The following MAGI2 variants were observed in gnomAD, a reference collection of about 807,000 sequenced individuals.
The protein encoded by MAGI2 is membrane-associated guanylate kinase, WW and PDZ domain-containing protein 2.
In MAGI2, 35 loss-of-function variants were observed where a neutral mutation model predicts 133.3. The observed-to-expected ratio is 0.26, with a 90% CI of 0.20 to 0.35. The LOEUF is 0.35. Ranked by LOEUF, MAGI2 falls within the 10% of genes least tolerant of loss-of-function variation. The pLI, the probability that MAGI2 is intolerant of heterozygous loss-of-function variation, is 1.00. For missense variants in MAGI2, 1,636 were observed against 1,863.4 expected, an observed-to-expected ratio of 0.88 and a Z score of 2.25; for synonymous variants, 729 against 710.6, an observed-to-expected ratio of 1.03 and a Z score of -0.41.
At chr7:78,893,090 A>C (rs1305231032) in intron 2 of MAGI2, among the ~76,000 whole-genome samples, 2 of 151,932 alleles carry the variant, frequency 1.3e-5, no homozygotes, top group African/African-American at 4.8e-5. Flanking sequence ...GACACTTCTC[A>C]AAAGAAGACA....
At chr7:78,366,277 C>T (rs1475687295) in intron 7 of MAGI2, among the ~76,000 whole-genome samples, 2 of 152,014 alleles carry the variant, frequency 1.3e-5, no homozygotes, top group African/African-American at 4.8e-5. Context: ...AATGCTATCA[C>T]TATAATTATG....
chr7:78,464,884 G>A (rs1221697378), intron 6 of MAGI2, among the ~76,000 whole-genome samples: 2 of 152,054 alleles, frequency 1.3e-5, no homozygotes, highest in Admixed American at 1.3e-4. Flanking sequence ...AGGCAAGCAT[G>A]TGTGTTTTAG....
At chr7:79,418,547 G>T (rs771773767) in intron 1 of MAGI2, among the ~76,000 whole-genome samples, 11 of 152,018 alleles carry the variant, frequency 7.2e-5, no homozygotes, top group Admixed American at 1.3e-4. Context: ...ACCAATGTAT[G>T]AAATTGTTTA....
chr7:78,140,804 A>G (rs1822665867), intron 16 of MAGI2, among the ~76,000 whole-genome samples: 1 of 152,240 alleles, frequency 6.6e-6, no homozygotes, highest in African/African-American at 2.4e-5. Context: ...GCACTATGCT[A>G]GGCCCAGAGG....
At chr7:78,699,415 A>G (rs1188719252) in intron 2 of MAGI2, among the ~76,000 whole-genome samples, 1 of 152,168 alleles carries the variant, frequency 6.6e-6, no homozygotes, top group Non-Finnish European at 1.5e-5. Flanking sequence ...ACTTTGTTTC[A>G]TGCACAAAAC....
At chr7:79,133,236 A>G (rs1289453397) in intron 1 of MAGI2, among the ~76,000 whole-genome samples, 2 of 152,158 alleles carry the variant, frequency 1.3e-5, no homozygotes, top group African/African-American at 4.8e-5. Flanking sequence ...GCCGATGTCT[A>G]GAAGAGTTTT....
chr7:79,448,649 C>T (rs1227583399), intron 1 of MAGI2, among the ~76,000 whole-genome samples: 1 of 152,030 alleles, frequency 6.6e-6, no homozygotes, highest in Non-Finnish European at 1.5e-5. Flanking sequence ...ATTGCTCTAC[C>T]CCACCTTCTG....
chr7:78,491,873 G>T (rs1318126143), intron 5 of MAGI2, among the ~76,000 whole-genome samples: 1 of 7,354 alleles, frequency 1.4e-4, no homozygotes, highest in African/African-American at 2.1e-3. Context: ...CGTTCAAATT[G>T]TGTGTGTGTG....
intron 2 of MAGI2, among the ~76,000 whole-genome samples, chr7:78,733,001 A>G (rs1821513632): frequency 6.6e-6 from 1 of 152,134 alleles, no homozygotes; most frequent in African/African-American, 2.4e-5. Flanking sequence ...AACCAGGTAG[A>G]GGAGGAGTAA....
intron 14 of MAGI2, among the ~76,000 whole-genome samples, chr7:78,171,550 C>A (rs1166150689): frequency 1.3e-5 from 2 of 152,198 alleles, no homozygotes; most frequent in Non-Finnish European, 2.9e-5. Context: ...CTTCTCACTT[C>A]CCAATAGCCA....
chr7:78,192,094 CT>C (rs1828268156), intron 12 of MAGI2, among the ~76,000 whole-genome samples: 2 of 152,118 alleles, frequency 1.3e-5, no homozygotes, highest in East Asian at 3.9e-4. Context: ...ATGCAAAAAT[CT>C]CTTTAGCTTT....
chr7:78,172,859 T>C (rs545973845), intron 14 of MAGI2, among the ~76,000 whole-genome samples: 67 of 152,318 alleles, frequency 4.4e-4, no homozygotes, highest in African/African-American at 1.5e-3. Context: ...AGGAAAGGCT[T>C]ATGGGAGATC....
chr7:78,910,329 A>G (rs2151613182), intron 2 of MAGI2, among the ~76,000 whole-genome samples: 1 of 151,388 alleles, frequency 6.6e-6, no homozygotes, highest in Admixed American at 6.6e-5. Context: ...TTTGGAATTA[A>G]TAAAGTGAAA....
rs992822964 is a variant in MAGI2 at position 79,072,230 on chromosome 7, C to T, written c.302-65024G>A. On this transcript the variant is annotated intron_variant, in intron 1 of 21. Coordinates refer to ENST00000354212, the MANE Select transcript of MAGI2 (RefSeq NM_012301.4). ...CTGGGACCTGCAGACTGGAGCTGTT[C>T]CTATTTGGCCATCTTGCCAACAAGT... 2.0e-5 allele frequency among the ~76,000 whole-genome samples: 3 copies of T among 151,972 alleles called. No homozygotes were observed. In the South Asian group the frequency reaches 6.2e-4, roughly 32 times the overall value.
At chr7:78,183,481 G>A (rs537786170) in intron 13 of MAGI2, among the ~76,000 whole-genome samples, 2 of 152,008 alleles carry the variant, frequency 1.3e-5, no homozygotes, top group Middle Eastern at 3.4e-3. Context: ...GGCCAGGATG[G>A]TCTCGATCTC....
intron 2 of MAGI2, among the ~76,000 whole-genome samples, chr7:78,920,476 C>A (rs2151633059): frequency 6.6e-6 from 1 of 152,234 alleles, no homozygotes; most frequent in African/African-American, 2.4e-5. Context: ...CTTGTCTTTA[C>A]TGCATTACAT....
chr7:78,197,384 A>G (rs1828836925), intron 11 of MAGI2, among the ~76,000 whole-genome samples: 1 of 152,204 alleles, frequency 6.6e-6, no homozygotes, highest in African/African-American at 2.4e-5. Flanking sequence ...GTACTCTCCC[A>G]CTTGTCATCA....
rs1307215366 is a variant in MAGI2 at position 78,018,819 on chromosome 7, T to A, written c.*496A>T. ...AAACCCTTTAACCCCTGTCTAGATA[T>A]GTCGAGAACAATTTATTTACAACGC... is the stretch of plus-strand genomic sequence containing the variant. On this transcript the variant is annotated 3_prime_UTR_variant, in exon 22 of 22. Coordinates refer to ENST00000354212, the MANE Select transcript of MAGI2 (RefSeq NM_012301.4). 1 of 216,280 alleles carries A rather than the reference T, an allele frequency of 4.6e-6. No individual in the cohort carries two copies. The allele number at this position is 216,280 out of a possible 1,614,324, so 13.4% of individuals were successfully genotyped here. A position where few individuals can be genotyped will look rare whatever the true frequency, so the allele number is the denominator to read the frequency against.
At chr7:78,313,123 A>T (rs971045725) in intron 9 of MAGI2, among the ~76,000 whole-genome samples, 1 of 152,062 alleles carries the variant, frequency 6.6e-6, no homozygotes, top group Non-Finnish European at 1.5e-5. Context: ...GTTCTGACTT[A>T]TAAGTGGGAG....
Sources: allele counts gnomAD v4.1 joint callset (sites outside exome capture counted in the v4.1 genomes callset), GRCh38; gene constraint gnomAD v4.1.1; transcripts MANE v1.5; gene names NCBI Gene and HGNC (gene_info 2026-07-23, HGNC 2026-07-21).